Variants in KIAA1217 observed in about 807,000 individuals in gnomAD.
KIAA1217 encodes sickle tail protein homolog.
KIAA1217 carries 88 observed loss-of-function variants against 163.9 expected under a neutral mutation model. That is an observed-to-expected ratio of 0.54 (90% CI 0.45 to 0.64). KIAA1217 has a LOEUF of 0.64. Ranked by LOEUF, KIAA1217 falls within the 30% of genes least tolerant of loss-of-function variation. KIAA1217 has a pLI of 0.00. For synonymous variants in KIAA1217, 903 were observed against 923.1 expected (o/e 0.98, Z 0.39); for missense variants, 2,372 against 2,475.0 (o/e 0.96, Z 0.88).
intron 3 of KIAA1217, among the ~76,000 whole-genome samples, chr10:24,393,458 A>T (rs1271001573): frequency 6.6e-6 from 1 of 152,180 alleles, no homozygotes; most frequent in Admixed American, 6.5e-5. Context: ...CATGCAGGAC[A>T]GCAGGCGAGA....
intron 1 of KIAA1217, among the ~76,000 whole-genome samples, chr10:23,974,892 C>G (rs183381646): frequency 6.1e-4 from 92 of 151,522 alleles, no homozygotes; most frequent in African/African-American, 2.2e-3. Context: ...TTCCCCCCCC[C>G]ATAGATAGGC....
intron 2 of KIAA1217, among the ~76,000 whole-genome samples, chr10:24,326,857 A>ATCCGTT (rs2044982124): frequency 6.6e-6 from 1 of 152,216 alleles, no homozygotes; most frequent in African/African-American, 2.4e-5. Flanking sequence ...TTTAATGATA[A>ATCCGTT]TTAGGGAAAC....
chr10:24,422,406 TAATTAG>T (rs2058806096), intron 3 of KIAA1217, among the ~76,000 whole-genome samples: 1 of 152,206 alleles, frequency 6.6e-6, no homozygotes, highest in Non-Finnish European at 1.5e-5. Flanking sequence ...AGCATATTCG[TAATTAG>T]AATAGTGTTC....
intron 5 of KIAA1217, among the ~76,000 whole-genome samples, chr10:24,471,060 A>G (rs1001137661): frequency 6.6e-5 from 10 of 152,178 alleles, no homozygotes; most frequent in Non-Finnish European, 1.3e-4. Context: ...AATACTCTTT[A>G]CTACATGCAG....
chr10:24,524,796 A>G (rs765457006), intron 13 of KIAA1217, 32 bp downstream of exon 13: 7 of 1,524,974 alleles, frequency 4.6e-6, no homozygotes, highest in Non-Finnish European at 6.2e-6. Context: ...TCATAACCCC[A>G]TAAAGGAGTC....
intron 5 of KIAA1217, among the ~76,000 whole-genome samples, chr10:24,453,851 A>G (rs944113792): frequency 6.6e-6 from 1 of 152,226 alleles, no homozygotes; most frequent in Non-Finnish European, 1.5e-5. Flanking sequence ...AGTCACAACT[A>G]TAATTCTTAG....
intron 2 of KIAA1217, among the ~76,000 whole-genome samples, chr10:24,372,500 A>T (rs2051811090): frequency 6.6e-6 from 1 of 152,160 alleles, no homozygotes; most frequent in Non-Finnish European, 1.5e-5. Flanking sequence ...TGTTCAGTTT[A>T]TCAAAAAAAA....
chr10:24,313,412 C>T (rs187594721), intron 2 of KIAA1217, among the ~76,000 whole-genome samples: 39 of 152,262 alleles, frequency 2.6e-4, no homozygotes, highest in African/African-American at 7.9e-4. Context: ...AGTGAGCAGC[C>T]GGGCTGTGTT....
chr10:24,528,481 T>G (rs534421295), intron 14 of KIAA1217, among the ~76,000 whole-genome samples: 2 of 151,982 alleles, frequency 1.3e-5, no homozygotes, highest in Non-Finnish European at 2.9e-5. Flanking sequence ...TGTACACCAC[T>G]GCACATGTCT....
At chr10:23,730,148 G>T (rs1443271701) in intron 1 of KIAA1217, among the ~76,000 whole-genome samples, 1 of 152,022 alleles carries the variant, frequency 6.6e-6, no homozygotes, top group East Asian at 1.9e-4. Context: ...TGATCTGCCC[G>T]CCTCGGCCTC....
At chr10:24,494,228 G>T (rs1394195276) in intron 6 of KIAA1217, among the ~76,000 whole-genome samples, 3 of 152,204 alleles carry the variant, frequency 2.0e-5, no homozygotes, top group African/African-American at 4.8e-5. Flanking sequence ...CATAGGATGT[G>T]CAAACAGGAG....
intron 1 of KIAA1217, among the ~76,000 whole-genome samples, chr10:23,750,255 C>G (rs1199596182): frequency 6.6e-6 from 1 of 152,128 alleles, no homozygotes; most frequent in African/African-American, 2.4e-5. Context: ...CTGCATTGCC[C>G]TTAATAAAAG....
At chr10:24,466,764 T>C (rs1298496985) in intron 5 of KIAA1217, 1 of 985,332 alleles carries the variant, frequency 1.0e-6, no homozygotes, top group East Asian at 1.1e-4. Context: ...ACGGCGTTAG[T>C]TACACAGGTG....
At chr10:23,827,142 A>G (rs1837933227) in intron 1 of KIAA1217, among the ~76,000 whole-genome samples, 2 of 152,192 alleles carry the variant, frequency 1.3e-5, no homozygotes, top group South Asian at 4.1e-4. Flanking sequence ...CTGACTACAC[A>G]TCGGAATCAC....
intron 1 of KIAA1217, 80 bp downstream of exon 1, chr10:24,209,343 T>C: frequency 1.0e-6 from 1 of 994,864 alleles, no homozygotes. Flanking sequence ...AAACTGCAGC[T>C]CTGGGACCCG....
At chr10:24,320,787 T>C (rs1464841148) in intron 2 of KIAA1217, among the ~76,000 whole-genome samples, 2 of 152,178 alleles carry the variant, frequency 1.3e-5, no homozygotes, top group South Asian at 2.1e-4. Flanking sequence ...CTCATACTTG[T>C]AATCCCAGCA....
chr10:23,908,527 C>G (rs901210480), intron 1 of KIAA1217, among the ~76,000 whole-genome samples: 3 of 152,068 alleles, frequency 2.0e-5, no homozygotes. Context: ...TGTTTACTTT[C>G]TCTTGGTACC....
chr10:23,738,829 CA>C (rs5783861), intron 1 of KIAA1217, among the ~76,000 whole-genome samples: 34,958 of 151,542 alleles, frequency 0.23, 4,361 homozygotes, highest in African/African-American at 0.32. Flanking sequence ...ACAAAACAGG[CA>C]AAAAAAGTCC....
intron 2 of KIAA1217, among the ~76,000 whole-genome samples, chr10:24,292,787 G>A (rs1325229113): frequency 1.4e-4 from 22 of 152,242 alleles, no homozygotes; most frequent in Admixed American, 1.4e-3. Flanking sequence ...CGCAGCCTGA[G>A]TGAGAGGCAC....
Sources: gnomAD v4.1 joint callset for allele counts (sites outside exome capture counted in the v4.1 genomes callset) on GRCh38, gnomAD v4.1.1 for gene constraint, MANE v1.5 for transcripts, NCBI Gene and HGNC (gene_info 2026-07-23, HGNC 2026-07-21) for gene names.